Variants in TNIK observed in about 807,000 individuals in gnomAD.
TNIK encodes the protein TRAF2 and NCK-interacting protein kinase.
In TNIK, 49 loss-of-function variants were observed where a neutral mutation model predicts 191.3. That is an observed-to-expected ratio of 0.26 (90% confidence interval 0.20 to 0.32). TNIK has a LOEUF of 0.32. Ranked by LOEUF, TNIK falls within the 10% of genes least tolerant of loss-of-function variation. The pLI is 1.00. For missense variants in TNIK, 1,155 were observed against 1,702.3 expected (o/e 0.68, Z 5.66); for synonymous variants, 594 against 600.9 (o/e 0.99, Z 0.17).
chr3:171,233,694 T>G (rs1483487359), intron 2 of TNIK, among the ~76,000 whole-genome samples: 1 of 152,218 alleles, frequency 6.6e-6, no homozygotes, highest in East Asian at 1.9e-4. Flanking sequence ...TGAAGAGGAC[T>G]TGGGAATAGA....
At chr3:171,169,249 G>A (rs1186085652) in intron 9 of TNIK, among the ~76,000 whole-genome samples, 1 of 151,862 alleles carries the variant, frequency 6.6e-6, no homozygotes, top group Admixed American at 6.6e-5. Context: ...GCAACTAGAA[G>A]GAAGTGCTTA....
chr3:171,088,022 C>CAAAACAATGATTAATCAG (rs1422349064), intron 23 of TNIK, among the ~76,000 whole-genome samples: 2 of 152,102 alleles, frequency 1.3e-5, no homozygotes, highest in Non-Finnish European at 2.9e-5. Flanking sequence ...TTCACAAGGT[C>CAAAACAATGATTAATCAG]AAAACAATGA....
intron 2 of TNIK, among the ~76,000 whole-genome samples, chr3:171,293,021 C>G (rs898234801): frequency 6.6e-6 from 1 of 152,046 alleles, no homozygotes; most frequent in African/African-American, 2.4e-5. Context: ...GTCCTTTTTT[C>G]CAGGTGCCCA....
chr3:171,415,704 G>A (rs7614278), intron 1 of TNIK, among the ~76,000 whole-genome samples: 2,709 of 151,994 alleles, frequency 0.018, 89 homozygotes, highest in African/African-American at 0.063. Context: ...AAATTAGCTG[G>A]GCACGATGAC....
chr3:171,264,067 TACACACACACACACACACACACAC>T (rs760319253), intron 2 of TNIK, among the ~76,000 whole-genome samples: 2 of 110,772 alleles, frequency 1.8e-5, no homozygotes, highest in Admixed American at 9.5e-5. Flanking sequence ...TATATATACA[TACACACACACACACACACACACAC>T]ACACACACAC....
rs1267021450 is a variant in TNIK, at chr3:171,347,351, T to C, written c.123+22269A>G. ...ATCTAGATGCCTGGTATACAAGTCCTAAGTGCCTGCAGAGCTGGCCCTCAG... is the reference window on the plus strand; with the variant it reads ...ATCTAGATGCCTGGTATACAAGTCCCAAGTGCCTGCAGAGCTGGCCCTCAG... On this transcript the variant is annotated intron_variant, in intron 2 of 32. Transcript: ENST00000436636. 9 of 879,478 alleles carry C rather than the reference T, an allele frequency of 1.0e-5. No individual in the cohort carries two copies. In the East Asian group the frequency reaches 2.1e-4, roughly 21 times the overall value. The allele number at this position is 879,478 out of a possible 1,614,324, so 54.5% of individuals were successfully genotyped here.
At chr3:171,265,263 A>T (rs1030384220) in intron 2 of TNIK, among the ~76,000 whole-genome samples, 1 of 152,240 alleles carries the variant, frequency 6.6e-6, no homozygotes, top group Non-Finnish European at 1.5e-5. Context: ...AGAATCAAAA[A>T]CTGAAAATAT....
At chr3:171,264,091 CACACACACACACACACACACATAT>C (rs368473797) in intron 2 of TNIK, among the ~76,000 whole-genome samples, 5,448 of 118,926 alleles carry the variant, frequency 0.046, 141 homozygotes, top group Middle Eastern at 0.081. Context: ...CACACACACA[CACACACACACACACACACACATAT>C]ATATATATAT....
intron 2 of TNIK, among the ~76,000 whole-genome samples, chr3:171,262,204 T>C (rs1747727364): frequency 6.6e-6 from 1 of 152,176 alleles, no homozygotes; most frequent in Non-Finnish European, 1.5e-5. Flanking sequence ...AAAAACTGTC[T>C]GCTCAGTTTG....
chr3:171,353,954 C>G (rs1713617492), intron 2 of TNIK, among the ~76,000 whole-genome samples: 1 of 152,038 alleles, frequency 6.6e-6, no homozygotes. Context: ...ATCCTCTACC[C>G]TCCAAATGCC....
chr3:171,275,110 C>T (rs1222781591), intron 2 of TNIK, among the ~76,000 whole-genome samples: 2 of 152,128 alleles, frequency 1.3e-5, no homozygotes, highest in African/African-American at 2.4e-5. Context: ...CCAGACACCA[C>T]CTACCCCCAA....
At chr3:171,085,454 A>T (rs370949634) in intron 24 of TNIK, among the ~76,000 whole-genome samples, 95 of 152,354 alleles carry the variant, frequency 6.2e-4, no homozygotes, top group African/African-American at 2.2e-3. Flanking sequence ...TCAGACTGCA[A>T]GAATTGTAGT....
chr3:171,401,690 G>A (rs185821707), intron 1 of TNIK, among the ~76,000 whole-genome samples: 4 of 152,052 alleles, frequency 2.6e-5, no homozygotes, highest in Admixed American at 1.3e-4. Context: ...TTCCCAGGAG[G>A]GTTCAGAAAT....
At chr3:171,238,040 C>T (rs1384691371) in intron 2 of TNIK, among the ~76,000 whole-genome samples, 2 of 152,252 alleles carry the variant, frequency 1.3e-5, no homozygotes, top group African/African-American at 2.4e-5. Flanking sequence ...TCCGCAAAGG[C>T]TGAAAATATC....
chr3:171,414,078 G>C (rs1722743656), intron 1 of TNIK, among the ~76,000 whole-genome samples: 1 of 152,060 alleles, frequency 6.6e-6, no homozygotes, highest in Non-Finnish European at 1.5e-5. Flanking sequence ...ATTTATGTTA[G>C]AGACTCGATG....
At chr3:171,140,631 C>T in intron 12 of TNIK, 122 bp from the exon 13 acceptor site, 1 of 840,574 alleles carries the variant, frequency 1.2e-6, no homozygotes, top group Non-Finnish European at 2.0e-6. Context: ...CCTAAATGCT[C>T]CAAGGTTCTT....
At position 171,127,125 on chromosome 3, in the gene TNIK, G is replaced by A. The variant is rs114955368; in HGVS notation, c.1774-974C>T. 1.4e-3 allele frequency among the ~76,000 whole-genome samples: 214 copies of A among 151,786 alleles called. 1 individual carries two copies. Among genetic ancestry groups the A allele is most frequent in the African/African-American group, 5.1e-3 (209 of 41,154 alleles). Reference sequence around the variant, plus strand: ...AAGGTGTCCCATAAATCCTGGTTGGGGAAAAAATCTACAGTGCCTTCTAAA... The same window carrying A: ...AAGGTGTCCCATAAATCCTGGTTGGAGAAAAAATCTACAGTGCCTTCTAAA... On this transcript the variant is annotated intron_variant, in intron 16 of 32. Coordinates refer to ENST00000436636, the MANE Select transcript of TNIK (RefSeq NM_015028.4).
At chr3:171,074,166 C>T (rs1406610849) in intron 28 of TNIK, among the ~76,000 whole-genome samples, 1 of 151,820 alleles carries the variant, frequency 6.6e-6, no homozygotes, top group Non-Finnish European at 1.5e-5. Flanking sequence ...ATATATACAG[C>T]ATGGAATACT....
At chr3:171,295,111 T>C (rs909962405) in intron 2 of TNIK, among the ~76,000 whole-genome samples, 10 of 152,128 alleles carry the variant, frequency 6.6e-5, no homozygotes, top group African/African-American at 2.4e-4. Context: ...CACATATTAC[T>C]GGATAAAACT....
Sources: gnomAD v4.1 joint callset for allele counts (sites outside exome capture counted in the v4.1 genomes callset) on GRCh38, gnomAD v4.1.1 for gene constraint, MANE v1.5 for transcripts, NCBI Gene and HGNC (gene_info 2026-07-23, HGNC 2026-07-21) for gene names.